Variants in RNFT2 observed in about 807,000 individuals in gnomAD.
The protein encoded by RNFT2 is E3 ubiquitin-protein ligase RNFT2.
In RNFT2, 36 loss-of-function variants were observed where a neutral mutation model predicts 53.0. The ratio of observed to expected loss-of-function variants is 0.68; its 90% confidence interval spans 0.52 to 0.90. The LOEUF is 0.90. Among genes scored for constraint, RNFT2 ranks in the 40% least tolerant of loss-of-function variants. RNFT2 has a pLI of 0.00. For missense variants in RNFT2, 514 were observed against 585.6 expected, an observed-to-expected ratio of 0.88 and a Z score of 1.26; for synonymous variants, 260 against 253.2, an observed-to-expected ratio of 1.03 and a Z score of -0.26.
At position 116,852,147 on chromosome 12, in the gene RNFT2, C is replaced by A; in HGVS notation, c.*2699C>A. 1.9e-6 allele frequency: 2 copies of A among 1,063,574 alleles called. No individual in the cohort carries two copies. Among genetic ancestry groups the A allele is most frequent in the Non-Finnish European group, 2.6e-6 (2 of 777,050 alleles). 65.9% of individuals were successfully genotyped at this position (1,063,574 alleles called of 1,614,324 possible). A position where few individuals can be genotyped will look rare whatever the true frequency, so the allele number is the denominator to read the frequency against. On this transcript the variant is annotated 3_prime_UTR_variant, in exon 11 of 11. Coordinates refer to ENST00000257575, the MANE Select transcript of RNFT2 (RefSeq NM_001382266.1). ...CCACCAGAATCTTGCCTGCCCTATTCCTCCTCCCAAGTCTGTTCTCTTATT... is the reference window on the plus strand; with the variant it reads ...CCACCAGAATCTTGCCTGCCCTATTACTCCTCCCAAGTCTGTTCTCTTATT...
At chr12:116,778,993 A>G (rs762804940) in intron 6 of RNFT2, among the ~76,000 whole-genome samples, 9 of 152,228 alleles carry the variant, frequency 5.9e-5, no homozygotes, top group Admixed American at 1.3e-4. Flanking sequence ...CTCTCAAGGG[A>G]ACTAAGACTC....
At chr12:116,774,275 A>G (rs897013871) in intron 6 of RNFT2, among the ~76,000 whole-genome samples, 4 of 152,232 alleles carry the variant, frequency 2.6e-5, no homozygotes, top group African/African-American at 7.2e-5. Flanking sequence ...CTGTGCGCGT[A>G]AAAATGGTTA....
intron 4 of RNFT2, 47 bp downstream of exon 4, chr12:116,750,354 G>C: frequency 6.5e-7 from 1 of 1,545,748 alleles, no homozygotes; most frequent in Non-Finnish European, 8.7e-7. Flanking sequence ...TTCACAGGCA[G>C]GCTGCCTGCA....
chr12:116,759,153 G>A (rs146279571), intron 5 of RNFT2, among the ~76,000 whole-genome samples: 2 of 152,046 alleles, frequency 1.3e-5, no homozygotes, highest in African/African-American at 2.4e-5. Context: ...TTCTATTGCC[G>A]AGACTTTCCA....
intron 6 of RNFT2, among the ~76,000 whole-genome samples, chr12:116,769,541 A>G (rs1873080813): frequency 6.6e-6 from 1 of 152,234 alleles, no homozygotes; most frequent in African/African-American, 2.4e-5. Context: ...TTATGTCTTA[A>G]GTTGTAACAA....
chr12:116,794,970 G>A (rs1370531487), intron 7 of RNFT2, among the ~76,000 whole-genome samples: 3 of 151,950 alleles, frequency 2.0e-5, no homozygotes, highest in Non-Finnish European at 4.4e-5. Flanking sequence ...AATGAAACTT[G>A]GTTTTATATT....
At chr12:116,816,868 A>T (rs1360832739) in intron 7 of RNFT2, among the ~76,000 whole-genome samples, 1 of 152,256 alleles carries the variant, frequency 6.6e-6, no homozygotes, top group African/African-American at 2.4e-5. Flanking sequence ...CTTAAAAAGT[A>T]GAGAACTGCT....
chr12:116,806,381 A>AAAAAAT (rs1465646224), intron 7 of RNFT2, among the ~76,000 whole-genome samples: 13 of 133,480 alleles, frequency 9.7e-5, no homozygotes, highest in Middle Eastern at 3.7e-3. Context: ...AAAAAAAAAA[A>AAAAAAT]ATATATATAT....
intron 10 of RNFT2, among the ~76,000 whole-genome samples, chr12:116,844,661 A>T (rs977510361): frequency 6.6e-6 from 1 of 152,248 alleles, no homozygotes; most frequent in Non-Finnish European, 1.5e-5. Context: ...TTTAAAAAAT[A>T]TAAAGGGGTC....
intron 7 of RNFT2, among the ~76,000 whole-genome samples, chr12:116,830,077 A>G (rs1876560146): frequency 1.3e-5 from 2 of 151,896 alleles, no homozygotes. Context: ...TAATTTTGAG[A>G]TAATTTTAGA....
intron 7 of RNFT2, among the ~76,000 whole-genome samples, chr12:116,807,063 G>T: frequency 6.6e-6 from 1 of 152,190 alleles, no homozygotes; most frequent in East Asian, 1.9e-4. Flanking sequence ...CGCATGGCAG[G>T]CTGGGGAGTG....
At chr12:116,789,955 G>A (rs1222749965) in intron 7 of RNFT2, among the ~76,000 whole-genome samples, 1 of 132,336 alleles carries the variant, frequency 7.6e-6, no homozygotes, top group Non-Finnish European at 1.6e-5. Context: ...ATGGTGGATG[G>A]GTGGGTGGAT....
At chr12:116,831,189 G>C (rs148356725) in intron 7 of RNFT2, among the ~76,000 whole-genome samples, 1 of 95,330 alleles carries the variant, frequency 1.0e-5, no homozygotes, top group Admixed American at 1.4e-4. Context: ...GCATGACCTC[G>C]TCTCTCTACA....
chr12:116,782,894 G>T (rs573770128), intron 7 of RNFT2, among the ~76,000 whole-genome samples: 1 of 151,976 alleles, frequency 6.6e-6, no homozygotes, highest in Non-Finnish European at 1.5e-5. Flanking sequence ...AACCCTGCCC[G>T]CACCTTTGTA....
intron 6 of RNFT2, among the ~76,000 whole-genome samples, chr12:116,778,215 T>G (rs929800609): frequency 6.6e-6 from 1 of 152,106 alleles, no homozygotes; most frequent in African/African-American, 2.4e-5. Flanking sequence ...TATGGTTGGG[T>G]TTGTCCCCAG....
At chr12:116,809,058 T>C (rs1288465587) in intron 7 of RNFT2, among the ~76,000 whole-genome samples, 3 of 152,226 alleles carry the variant, frequency 2.0e-5, no homozygotes, top group Admixed American at 2.0e-4. Flanking sequence ...GCCATGGCTT[T>C]TTTGGTGCCC....
At chr12:116,769,754 G>A (rs35412759) in intron 6 of RNFT2, among the ~76,000 whole-genome samples, 4,445 of 152,160 alleles carry the variant, frequency 0.029, 168 homozygotes, top group East Asian at 0.15. Flanking sequence ...TGTAACGGCC[G>A]GGCATGGTGG....
intron 10 of RNFT2, among the ~76,000 whole-genome samples, chr12:116,837,819 G>T (rs976260587): frequency 6.6e-6 from 1 of 152,148 alleles, no homozygotes; most frequent in African/African-American, 2.4e-5. Flanking sequence ...AATGCAAGAT[G>T]ATGACATTAG....
intron 5 of RNFT2, among the ~76,000 whole-genome samples, chr12:116,765,561 G>C (rs1026399824): frequency 6.6e-6 from 1 of 152,110 alleles, no homozygotes; most frequent in African/African-American, 2.4e-5. Context: ...GAGCTGTTGA[G>C]AATCAACAGC....
Sources: gnomAD v4.1 joint callset for allele counts (sites outside exome capture counted in the v4.1 genomes callset) on GRCh38, gnomAD v4.1.1 for gene constraint, MANE v1.5 for transcripts, NCBI Gene and HGNC (gene_info 2026-07-23, HGNC 2026-07-21) for gene names.